Variants in DPYS observed in about 807,000 individuals in gnomAD.
DPYS encodes the protein dihydropyrimidinase, also known as dihydropyrimidine amidohydrolase.
In DPYS, 39 loss-of-function variants were observed where a neutral mutation model predicts 50.3. The observed-to-expected ratio is 0.78, with a 90% CI of 0.60 to 1.01. The LOEUF (loss-of-function observed/expected upper bound fraction) is 1.01, where lower values mean the gene tolerates loss of function less well. Among genes scored for constraint, DPYS ranks in the 50% least tolerant of loss-of-function variants. DPYS has a pLI of 0.00. For synonymous variants in DPYS, 245 were observed against 250.7 expected, an observed-to-expected ratio of 0.98 and a Z score of 0.22; for missense variants, 659 against 680.9, an observed-to-expected ratio of 0.97 and a Z score of 0.36.
In DPYS at chr8:104,436,830, A is replaced by C. The variant is rs189391483; in HGVS notation, c.794-7129T>G. On this transcript the variant is annotated intron_variant, in intron 4 of 9. Transcript: ENST00000351513. ...GGCAACATAGTAAGACTATGTCTTTATATAAAAATAAATAAAAAAACAAAT... is the reference window on the plus strand; with the variant it reads ...GGCAACATAGTAAGACTATGTCTTTCTATAAAAATAAATAAAAAAACAAAT... 3.2e-3 allele frequency among the ~76,000 whole-genome samples: 492 copies of C among 152,296 alleles called. 4 individuals are homozygous for C. The highest frequency in any genetic ancestry group is 0.011 in the African/African-American group (453 of 41,582).
chr8:104,432,940 T>C (rs1813003754), intron 4 of DPYS, among the ~76,000 whole-genome samples: 1 of 152,140 alleles, frequency 6.6e-6, no homozygotes, highest in Admixed American at 6.6e-5. Context: ...GTAACTGTAT[T>C]TGGAAAAAGG....
intron 7 of DPYS, among the ~76,000 whole-genome samples, chr8:104,413,719 T>C (rs970115329): frequency 1.3e-5 from 2 of 152,248 alleles, no homozygotes; most frequent in African/African-American, 4.8e-5. Context: ...ATTACTGTTT[T>C]GGATGTACAA....
chr8:104,423,542 G>T (rs374690799), intron 7 of DPYS, among the ~76,000 whole-genome samples: 1 of 152,142 alleles, frequency 6.6e-6, no homozygotes, highest in African/African-American at 2.4e-5. Flanking sequence ...AGAAGTCCAC[G>T]CAAGTGCACA....
intron 7 of DPYS, among the ~76,000 whole-genome samples, chr8:104,400,165 C>G (rs529441876): frequency 6.6e-6 from 1 of 152,246 alleles, no homozygotes; most frequent in Non-Finnish European, 1.5e-5. Context: ...CCATGGCCTT[C>G]CCACAGAGTG....
intron 7 of DPYS, among the ~76,000 whole-genome samples, chr8:104,407,969 C>G (rs1812049844): frequency 6.6e-6 from 1 of 151,966 alleles, no homozygotes; most frequent in African/African-American, 2.4e-5. Context: ...AAAAAAAAGT[C>G]ATCTTGGTGG....
intron 4 of DPYS, among the ~76,000 whole-genome samples, chr8:104,441,647 T>G (rs904528632): frequency 2.6e-5 from 4 of 152,186 alleles, no homozygotes; most frequent in African/African-American, 9.6e-5. Flanking sequence ...AAGGGCTTCC[T>G]AGGACCTCAG....
chr8:104,406,382 C>G (rs572372559), intron 7 of DPYS, among the ~76,000 whole-genome samples: 2 of 152,150 alleles, frequency 1.3e-5, no homozygotes, highest in Admixed American at 1.3e-4. Flanking sequence ...GACGCAGCAG[C>G]CATTTTGCAC....
chr8:104,426,356 C>T (rs532022331), intron 6 of DPYS, among the ~76,000 whole-genome samples: 87 of 152,300 alleles, frequency 5.7e-4, no homozygotes, highest in African/African-American at 1.9e-3. Flanking sequence ...GTCAGCTGTT[C>T]TCAGTACAGA....
At chr8:104,384,509 G>A (rs1426744473) in intron 8 of DPYS, among the ~76,000 whole-genome samples, 3 of 152,212 alleles carry the variant, frequency 2.0e-5, no homozygotes, top group Admixed American at 6.5e-5. Context: ...TGTTTTCTAA[G>A]TAGACTTAAC....
intron 8 of DPYS, among the ~76,000 whole-genome samples, chr8:104,391,339 A>C (rs559240827): frequency 1.3e-5 from 2 of 152,314 alleles, no homozygotes; most frequent in East Asian, 3.9e-4. Context: ...GAAGCCTTAG[A>C]ACTAGTCCAA....
In DPYS at chr8:104,381,321, G is replaced by C; in HGVS notation, c.1444-7C>G. 1.2e-6 allele frequency: 2 copies of C among 1,612,530 alleles called. No homozygotes were observed. The highest frequency in any genetic ancestry group is 1.7e-6 in the Non-Finnish European group (2 of 1,178,560). On this transcript the variant is annotated splice_region_variant and splice_polypyrimidine_tract_variant and intron_variant, in intron 8 of 9. Transcript: ENST00000351513. ...CAGGGGTAGGTGTGCAAGTCTGAAA[G>C]AGAACATTTCATTTCTCTCTTGTGG...
At chr8:104,419,102 T>G in intron 7 of DPYS, 1 of 980,336 alleles carries the variant, frequency 1.0e-6, no homozygotes, top group Non-Finnish European at 1.2e-6. Context: ...GAGACAGTTC[T>G]TCCTCCTCTC....
chr8:104,396,825 C>CAAAAAA (rs5893686), intron 7 of DPYS, among the ~76,000 whole-genome samples: 3 of 131,630 alleles, frequency 2.3e-5, no homozygotes, highest in African/African-American at 3.1e-5. Context: ...TGCCTCATAC[C>CAAAAAA]AAAAAAAAAA....
In DPYS at chr8:104,417,547, G is replaced by A. The variant is rs149033932; in HGVS notation, c.1235+6700C>T. ...GTACCAAGATCTTCTACAGAAATGG[G>A]TCAGACATTCAGATATGGAAAACGT... On this transcript the variant is annotated intron_variant, in intron 7 of 9. Transcript: ENST00000351513. Among the ~76,000 whole-genome samples the A allele has an allele frequency of 2.2e-3, 340 of 152,292 alleles. 1 individual carries two copies. Among genetic ancestry groups the A allele is most frequent in the African/African-American group, 7.7e-3 (318 of 41,558 alleles).
intron 1 of DPYS, among the ~76,000 whole-genome samples, chr8:104,460,493 G>A (rs539683029): frequency 9.8e-5 from 15 of 152,310 alleles, no homozygotes; most frequent in African/African-American, 3.4e-4. Flanking sequence ...GAAACTGTGA[G>A]TCAATTGAAC....
chr8:104,400,561 A>G (rs552987658), intron 7 of DPYS, among the ~76,000 whole-genome samples: 1 of 152,350 alleles, frequency 6.6e-6, no homozygotes, highest in African/African-American at 2.4e-5. Context: ...AACAGGAAGG[A>G]TACAGAATGA....
At chr8:104,412,902 T>C (rs1435363070) in intron 7 of DPYS, among the ~76,000 whole-genome samples, 1 of 152,154 alleles carries the variant, frequency 6.6e-6, no homozygotes, top group Non-Finnish European at 1.5e-5. Context: ...GGGCCCAAGA[T>C]ATGGTTTGTA....
intron 4 of DPYS, among the ~76,000 whole-genome samples, chr8:104,441,511 G>A (rs1364437145): frequency 6.6e-6 from 1 of 152,176 alleles, no homozygotes; most frequent in Non-Finnish European, 1.5e-5. Flanking sequence ...AATATAAGGG[G>A]CCCTTAAAGT....
At chr8:104,382,680 C>T (rs181915529) in intron 8 of DPYS, among the ~76,000 whole-genome samples, 10 of 151,944 alleles carry the variant, frequency 6.6e-5, no homozygotes, top group Admixed American at 4.6e-4. Flanking sequence ...ACATAATTAA[C>T]GTAAGTATAA....
Sources: gnomAD v4.1 joint callset for allele counts (sites outside exome capture counted in the v4.1 genomes callset) on GRCh38, gnomAD v4.1.1 for gene constraint, MANE v1.5 for transcripts, NCBI Gene and HGNC (gene_info 2026-07-23, HGNC 2026-07-21) for gene names.